Variants in CUTC observed in about 807,000 individuals in gnomAD.
The protein encoded by CUTC is copper homeostasis protein cutC homolog.
CUTC carries 27 observed loss-of-function variants against 36.2 expected under a neutral mutation model. The observed-to-expected ratio is 0.75, with a 90% CI of 0.55 to 1.03. The LOEUF (loss-of-function observed/expected upper bound fraction) is 1.03, where lower values mean the gene tolerates loss of function less well. CUTC is among the 50% of genes least tolerant of loss of function. CUTC has a pLI of 0.00. For missense variants in CUTC, 315 were observed against 343.5 expected (o/e 0.92, Z 0.66); for synonymous variants, 114 against 118.3 (o/e 0.96, Z 0.24).
In CUTC at chr10:99,745,280, T is replaced by C. The variant is rs545009752; in HGVS notation, c.439+1208T>C. 5.3e-5 allele frequency among the ~76,000 whole-genome samples: 8 copies of C among 152,364 alleles called. No individual in the cohort carries two copies. In the East Asian group the frequency reaches 1.5e-3, roughly 29 times the overall value. Reference sequence around the variant, plus strand: ...GTAGAATTTTTGGGTTCCACATTTTTCTCACTAATGTATTTAATGAGATAT... The same window carrying C: ...GTAGAATTTTTGGGTTCCACATTTTCCTCACTAATGTATTTAATGAGATAT... On this transcript the variant is annotated intron_variant, in intron 5 of 8. Coordinates refer to ENST00000370476, the MANE Select transcript of CUTC (RefSeq NM_015960.3).
chr10:99,740,020 A>G (rs1160460313), intron 3 of CUTC, among the ~76,000 whole-genome samples: 1 of 152,228 alleles, frequency 6.6e-6, no homozygotes, highest in African/African-American at 2.4e-5. Context: ...ATCAAGGATT[A>G]GGCTTTTATA....
chr10:99,750,344 CTTG>C (rs746813061), intron 6 of CUTC, 22 bp from the exon 7 acceptor site: 5 of 1,533,260 alleles, frequency 3.3e-6, no homozygotes, highest in African/African-American at 1.4e-5. Flanking sequence ...TTAAAATTCA[CTTG>C]TTTTTTTTTT....
intron 1 of CUTC, 34 bp from the exon 2 acceptor site, chr10:99,736,212 T>A (rs2037295924): frequency 6.3e-7 from 1 of 1,590,064 alleles, no homozygotes; most frequent in African/African-American, 1.3e-5. Context: ...GGATAGAACC[T>A]TTATGAACTC....
intron 3 of CUTC, among the ~76,000 whole-genome samples, chr10:99,741,182 G>T (rs2037338248): frequency 6.6e-6 from 1 of 152,060 alleles, no homozygotes; most frequent in South Asian, 2.1e-4. Flanking sequence ...AAACAGTTTG[G>T]TCCTTTTGGG....
intron 3 of CUTC, 85 bp from the exon 4 acceptor site, chr10:99,743,068 G>T: frequency 7.6e-7 from 1 of 1,308,216 alleles, no homozygotes; most frequent in South Asian, 1.2e-5. Flanking sequence ...ACCTTTTAGA[G>T]CCATCTTTGT....
chr10:99,734,402 G>A (rs1488349797), intron 1 of CUTC, among the ~76,000 whole-genome samples: 4 of 152,134 alleles, frequency 2.6e-5, no homozygotes, highest in Non-Finnish European at 2.9e-5. Context: ...GGCAATTGCA[G>A]TTTGATGTTA....
intron 7 of CUTC, among the ~76,000 whole-genome samples, chr10:99,753,893 ATAAAC>A (rs1212023784): frequency 6.6e-6 from 1 of 152,364 alleles, no homozygotes; most frequent in East Asian, 1.9e-4. Flanking sequence ...ATAAAGATGA[ATAAAC>A]TAATTTCATA....
chr10:99,747,351 A>G lies in CUTC; in HGVS notation c.534A>G (p.Ala178=). Residue 178 remains alanine, a synonymous_variant, in exon 6 of 9, where the codon GCA becomes GCG. Transcript: ENST00000370476. ...TGACCAGTGGATGTGACAGTTCAGC[A>G]TTAGAAGGGCTACCCCTAATAAAGC... ...RVLTSGCDSS[A]LEGLPLIKRL... is the part of the protein sequence containing the mutation. The G allele has an allele frequency of 6.2e-7, 1 of 1,614,220 alleles. No individual in the cohort carries two copies. The highest frequency in any genetic ancestry group is 8.5e-7 in the Non-Finnish European group (1 of 1,180,040).
intron 7 of CUTC, among the ~76,000 whole-genome samples, chr10:99,753,104 T>C (rs924606379): frequency 3.3e-5 from 5 of 152,204 alleles, no homozygotes; most frequent in African/African-American, 1.2e-4. Flanking sequence ...TTTTTAACCA[T>C]AGAGCTGTGT....
In CUTC at chr10:99,735,042, C is replaced by T. The variant is rs1166566546; in HGVS notation, c.62-1204C>T. On this transcript the variant is annotated intron_variant, in intron 1 of 8. Coordinates refer to ENST00000370476, the MANE Select transcript of CUTC (RefSeq NM_015960.3). ...GCTTGAGCCTGGGAGGCGGAGGTTG[C>T]AGTGAGCCGAGATCATGCCACTGCA... 2.3e-5 allele frequency among the ~76,000 whole-genome samples: 3 copies of T among 131,006 alleles called. No individual in the cohort carries two copies. The East Asian group carries it at 7.6e-4, about 33-fold the overall frequency. 85.9% of individuals were successfully genotyped at this position (131,006 alleles called of 152,430 possible).
At chr10:99,737,250 A>G (rs1288312638) in intron 2 of CUTC, among the ~76,000 whole-genome samples, 2 of 151,880 alleles carry the variant, frequency 1.3e-5, no homozygotes, top group Admixed American at 1.3e-4. Flanking sequence ...CCTGGGTGAC[A>G]CAGCCAGATC....
chr10:99,750,374 A>T lies in CUTC; in HGVS notation c.579A>T (p.Lys193Asn). The T allele has an allele frequency of 6.3e-7, 1 of 1,590,970 alleles. No individual in the cohort carries two copies. Among genetic ancestry groups the T allele is most frequent in the Non-Finnish European group, 8.5e-7 (1 of 1,172,784 alleles). ...PLIKRLIEQA[K>N]GRIVVMPGGG... The stretch of plus-strand genomic sequence containing the variant: ...TTTTTTTTTTCTTTTTTCAGGCAAA[A>T]GGCAGGATTGTGGTAATGCCAGGTA... The change falls in exon 7 of 9, where the codon AAA becomes AAT. Residue 193 changes from lysine (K) to asparagine (N), a missense_variant. Lys to Asn is a moderately conservative substitution (Grantham distance 94). Transcript: ENST00000370476.
intron 2 of CUTC, among the ~76,000 whole-genome samples, chr10:99,738,778 T>C (rs1032161176): frequency 6.6e-6 from 1 of 152,164 alleles, no homozygotes; most frequent in African/African-American, 2.4e-5. Flanking sequence ...TGTTGGTTTT[T>C]TTCTGTTTTT....
intron 7 of CUTC, among the ~76,000 whole-genome samples, chr10:99,753,596 A>G (rs1218130578): frequency 6.6e-6 from 1 of 152,126 alleles, no homozygotes; most frequent in Admixed American, 6.6e-5. Context: ...GTTTTTGTAG[A>G]GACGGGGTTT....
At chr10:99,747,556 C>T (rs1470989291) in intron 6 of CUTC, 166 bp downstream of exon 6, 1 of 701,488 alleles carries the variant, frequency 1.4e-6, no homozygotes, top group Non-Finnish European at 2.3e-6. Context: ...TCACACAAGC[C>T]TTTTTAATAA....
At chr10:99,746,576 TTTTCA>T (rs1453227708) in intron 5 of CUTC, among the ~76,000 whole-genome samples, 1 of 152,102 alleles carries the variant, frequency 6.6e-6, no homozygotes, top group African/African-American at 2.4e-5. Context: ...TATTGAAAAC[TTTTCA>T]TTTCTTATCT....
At chr10:99,738,102 G>T (rs796321356) in intron 2 of CUTC, among the ~76,000 whole-genome samples, 3 of 150,360 alleles carry the variant, frequency 2.0e-5, no homozygotes, top group Admixed American at 2.0e-4. Flanking sequence ...CCGAGATCAC[G>T]CCATTGCACT....
rs2037453195 is a variant in CUTC, at chr10:99,755,820, C to T, written c.*81C>T. On this transcript the variant is annotated 3_prime_UTR_variant, in exon 9 of 9. Coordinates refer to ENST00000370476, the MANE Select transcript of CUTC (RefSeq NM_015960.3). ...CAATTCTCTATGACACAGCTTTAACCTTCTTCTCTGGCCAGGACAGTCGCA... is the reference window on the plus strand; with the variant it reads ...CAATTCTCTATGACACAGCTTTAACTTTCTTCTCTGGCCAGGACAGTCGCA... 1.1e-6 allele frequency: 1 copy of T among 901,034 alleles called. No individual in the cohort carries two copies. Among genetic ancestry groups the T allele is most frequent in the Admixed American group, 2.1e-5 (1 of 47,844 alleles). 55.8% of individuals were successfully genotyped at this position (901,034 alleles called of 1,614,324 possible).
At chr10:99,750,835 C>T (rs2037410301) in intron 7 of CUTC, among the ~76,000 whole-genome samples, 1 of 152,056 alleles carries the variant, frequency 6.6e-6, no homozygotes, top group African/African-American at 2.4e-5. Context: ...GTCTCAGTTC[C>T]TGAAAATCTC....
Sources: gnomAD v4.1 joint callset for allele counts (sites outside exome capture counted in the v4.1 genomes callset) on GRCh38, gnomAD v4.1.1 for gene constraint, MANE v1.5 for transcripts, NCBI Gene and HGNC (gene_info 2026-07-23, HGNC 2026-07-21) for gene names.